NFKB1: variants seen among roughly 807,000 people sequenced by gnomAD.
NFKB1 encodes nuclear factor NF-kappa-B p105 subunit.
NFKB1 carries 9 observed loss-of-function variants against 105.1 expected under a neutral mutation model. The ratio of observed to expected loss-of-function variants is 0.09; its 90% CI spans 0.05 to 0.15. The LOEUF is 0.15. NFKB1 is among the 10% of genes least tolerant of loss of function. NFKB1 has a pLI of 1.00. For missense variants in NFKB1, 830 were observed against 1,203.7 expected, an observed-to-expected ratio of 0.69 and a Z score of 4.59; for synonymous variants, 440 against 442.2, an observed-to-expected ratio of 1.00 and a Z score of 0.06.
chr4:102,547,075 A>T (rs1722196056), intron 5 of NFKB1, among the ~76,000 whole-genome samples: 2 of 152,214 alleles, frequency 1.3e-5, no homozygotes, highest in Admixed American at 1.3e-4. Context: ...TATGTATGCA[A>T]ATAAGCCACT....
intron 12 of NFKB1, among the ~76,000 whole-genome samples, chr4:102,593,908 A>G (rs1028346851): frequency 1.3e-5 from 2 of 152,174 alleles, no homozygotes; most frequent in Admixed American, 1.3e-4. Context: ...GTATATTATC[A>G]TACTACAATA....
At chr4:102,583,724 T>A (rs1349716234) in intron 10 of NFKB1, among the ~76,000 whole-genome samples, 1 of 152,194 alleles carries the variant, frequency 6.6e-6, no homozygotes. Flanking sequence ...AATAACATGA[T>A]AATGCTGAGC....
chr4:102,529,583 T>C (rs1741143821), intron 2 of NFKB1, among the ~76,000 whole-genome samples: 1 of 152,214 alleles, frequency 6.6e-6, no homozygotes, highest in Non-Finnish European at 1.5e-5. Flanking sequence ...CTCTGGGGAC[T>C]TTATAGCCAA....
In NFKB1 at chr4:102,590,111, G is replaced by A. The variant is rs147220232; in HGVS notation, c.1067-3314G>A. Among the ~76,000 whole-genome samples, 928 of 152,184 alleles carry A rather than the reference G, an allele frequency of 6.1e-3. 7 individuals are homozygous for A. Among genetic ancestry groups the A allele is most frequent in the Non-Finnish European group, 9.6e-3 (652 of 67,998 alleles). ...AGATCCCTTGGTTACTGTTTTTCTG[G>A]CATCCACCCCATTTTTATTATCCTG... On this transcript the variant is annotated intron_variant, in intron 11 of 23. Transcript: ENST00000226574.
chr4:102,576,790 A>T, intron 6 of NFKB1, 86 bp from the exon 7 acceptor site: 1 of 1,384,630 alleles, frequency 7.2e-7, no homozygotes, highest in Non-Finnish European at 9.8e-7. Flanking sequence ...ATTTTTTTTT[A>T]ATTTACAAGT....
intron 6 of NFKB1, among the ~76,000 whole-genome samples, chr4:102,571,010 G>A (rs1724297439): frequency 6.6e-6 from 1 of 152,152 alleles, no homozygotes; most frequent in South Asian, 2.1e-4. Context: ...AACCAAAAAA[G>A]AGCCTGCATT....
At chr4:102,525,683 G>T (rs548458196) in intron 2 of NFKB1, 126 bp downstream of exon 2, 29 of 804,068 alleles carry the variant, frequency 3.6e-5, no homozygotes, top group Non-Finnish European at 4.7e-5. Flanking sequence ...TTTAATTTCA[G>T]TTTCTCTGTC....
chr4:102,558,616 G>T (rs1723167947), intron 5 of NFKB1, among the ~76,000 whole-genome samples: 1 of 152,102 alleles, frequency 6.6e-6, no homozygotes, highest in Non-Finnish European at 1.5e-5. Context: ...AAGCACTGAG[G>T]ATACAGCAGA....
At chr4:102,615,420 A>T (rs533410363) in intron 23 of NFKB1, among the ~76,000 whole-genome samples, 1 of 151,870 alleles carries the variant, frequency 6.6e-6, no homozygotes, top group South Asian at 2.1e-4. Flanking sequence ...CTTTCTTGCC[A>T]CTCAGTTTCA....
At chr4:102,524,558 A>G (rs1740777735) in intron 1 of NFKB1, among the ~76,000 whole-genome samples, 1 of 152,152 alleles carries the variant, frequency 6.6e-6, no homozygotes, top group Non-Finnish European at 1.5e-5. Context: ...TGATTCAAGC[A>G]CATTACATAT....
At chr4:102,610,953 AAC>A (rs1265228519) in intron 20 of NFKB1, among the ~76,000 whole-genome samples, 1 of 152,190 alleles carries the variant, frequency 6.6e-6, no homozygotes, top group Non-Finnish European at 1.5e-5. Context: ...TTAGAAGAAA[AAC>A]ACAAAATTCA....
chr4:102,520,475 T>C (rs144921630), intron 1 of NFKB1, among the ~76,000 whole-genome samples: 2 of 152,308 alleles, frequency 1.3e-5, no homozygotes, highest in African/African-American at 4.8e-5. Flanking sequence ...TGTAAACAGG[T>C]ACCTTATCTT....
intron 6 of NFKB1, among the ~76,000 whole-genome samples, chr4:102,574,902 A>G (rs1724688229): frequency 6.6e-6 from 1 of 152,336 alleles, no homozygotes; most frequent in South Asian, 2.1e-4. Flanking sequence ...AGATTAGGCA[A>G]TATACATGAA....
At chr4:102,529,332 A>T (rs1436434142) in intron 2 of NFKB1, among the ~76,000 whole-genome samples, 1 of 152,164 alleles carries the variant, frequency 6.6e-6, no homozygotes, top group Non-Finnish European at 1.5e-5. Context: ...TTATTCTGTA[A>T]ATAGTCCCAG....
At chr4:102,578,016 C>T (rs1725004578) in intron 7 of NFKB1, 1 of 984,222 alleles carries the variant, frequency 1.0e-6, no homozygotes, top group African/African-American at 1.7e-5. Context: ...TGGCCTCAGG[C>T]TGCATTTCCA....
chr4:102,579,971 A>AG (rs1560692197), intron 8 of NFKB1, among the ~76,000 whole-genome samples: 1 of 151,652 alleles, frequency 6.6e-6, no homozygotes, highest in Non-Finnish European at 1.5e-5. Flanking sequence ...CAGCTGTTGG[A>AG]GAAAAAAAAA....
rs151122203 is a variant in NFKB1 at position 102,563,945 on chromosome 4, A to G, written c.259-3042A>G. Among the ~76,000 whole-genome samples the G allele has an allele frequency of 6.6e-5, 10 of 151,642 alleles. No individual in the cohort carries two copies. In the East Asian group the frequency reaches 1.9e-3, roughly 29 times the overall value. On this transcript the variant is annotated intron_variant, in intron 5 of 23. Coordinates refer to ENST00000226574, the MANE Select transcript of NFKB1 (RefSeq NM_003998.4). ...CAAGTGATTCTCCTGCCGCCTGCCG[A>G]ATAGCTGGGATTACAGGTGCACACC...
rs1004236878 is a variant in NFKB1 at position 102,533,731 on chromosome 4, T to A, written c.119-114T>A. ...TGTGGAATTTTAACCAAAAATTGAT[T>A]TGAAATTTCTACATAAAAACATAAT... On this transcript the variant is annotated intron_variant, in intron 3 of 23. Transcript: ENST00000226574. The A allele has an allele frequency of 3.5e-6, 3 of 863,368 alleles. No homozygotes were observed. The East Asian group carries it at 7.9e-5, about 23-fold the overall frequency. 53.5% of individuals were successfully genotyped at this position (863,368 alleles called of 1,614,324 possible).
At chr4:102,609,158 C>CAAA (rs372174091) in intron 19 of NFKB1, among the ~76,000 whole-genome samples, 1 of 97,358 alleles carries the variant, frequency 1.0e-5, no homozygotes, top group African/African-American at 3.6e-5. Context: ...GACCCTGTCT[C>CAAA]AAAAAAAAAA....
Sources: allele counts gnomAD v4.1 joint callset (sites outside exome capture counted in the v4.1 genomes callset), GRCh38; gene constraint gnomAD v4.1.1; transcripts MANE v1.5; gene names NCBI Gene and HGNC (gene_info 2026-07-23, HGNC 2026-07-21).